NSUN3: variants seen among roughly 807,000 people sequenced by gnomAD.
The protein encoded by NSUN3 is tRNA (cytosine(34)-C(5))-methyltransferase, mitochondrial.
NSUN3 carries 24 observed loss-of-function variants against 36.8 expected under a neutral mutation model. The ratio of observed to expected loss-of-function variants is 0.65; its 90% CI spans 0.47 to 0.92. The LOEUF (loss-of-function observed/expected upper bound fraction) is 0.92, where lower values mean the gene tolerates loss of function less well. Ranked by LOEUF, NSUN3 falls within the 40% of genes least tolerant of loss-of-function variation. The pLI is 0.00. For synonymous variants in NSUN3, 146 were observed against 145.2 expected (o/e 1.01, Z -0.04); for missense variants, 381 against 392.8 (o/e 0.97, Z 0.25).
chr3:94,074,138 T>A (rs1368444199), intron 2 of NSUN3, among the ~76,000 whole-genome samples: 2 of 152,208 alleles, frequency 1.3e-5, no homozygotes, highest in African/African-American at 2.4e-5. Context: ...CTGAGGGCTC[T>A]GTTCTGTTCC....
rs2077507473 is a variant in NSUN3 at position 94,131,213 on chromosome 3, C to T, written c.*4723C>T. ...GATTACAGGTGTGAGCCATTGTGCT[C>T]GGCCTCATATATTATTAGTTGTAAA... On this transcript the variant is annotated 3_prime_UTR_variant, in exon 6 of 6. Transcript: ENST00000314622. Among the ~76,000 whole-genome samples, 1 of 152,038 alleles carries T rather than the reference C, an allele frequency of 6.6e-6. No individual in the cohort carries two copies. Among genetic ancestry groups the T allele is most frequent in the South Asian group, 2.1e-4 (1 of 4,812 alleles).
intron 4 of NSUN3, 129 bp downstream of exon 4, chr3:94,094,423 T>C (rs998156562): frequency 7.0e-6 from 6 of 857,692 alleles, no homozygotes; most frequent in Admixed American, 3.4e-5. Context: ...CTGGAAAATT[T>C]TGATAAAGTG....
At chr3:94,075,388 C>G (rs2077241811) in intron 2 of NSUN3, among the ~76,000 whole-genome samples, 1 of 151,974 alleles carries the variant, frequency 6.6e-6, no homozygotes. Context: ...CTGAACAAAC[C>G]AAGAAGAAAC....
chr3:94,073,339 A>G (rs1366519947), intron 2 of NSUN3, among the ~76,000 whole-genome samples: 1 of 152,114 alleles, frequency 6.6e-6, no homozygotes, highest in Non-Finnish European at 1.5e-5. Flanking sequence ...TGCTGGGTCA[A>G]ATGGTATTTC....
At chr3:94,109,731 C>T (rs184284101) in intron 5 of NSUN3, among the ~76,000 whole-genome samples, 2 of 152,318 alleles carry the variant, frequency 1.3e-5, no homozygotes, top group East Asian at 3.9e-4. Flanking sequence ...CCTGGAGGAG[C>T]TGTGGGCACA....
At chr3:94,120,884 T>TTTAATA (rs2077458455) in intron 5 of NSUN3, among the ~76,000 whole-genome samples, 5 of 152,186 alleles carry the variant, frequency 3.3e-5, no homozygotes, top group Admixed American at 2.0e-4. Context: ...ATTTTAATAA[T>TTTAATA]CTAACATTTT....
chr3:94,078,758 C>A (rs1329424284), intron 2 of NSUN3, among the ~76,000 whole-genome samples: 4 of 151,954 alleles, frequency 2.6e-5, no homozygotes, highest in Non-Finnish European at 5.9e-5. Context: ...ATTGGAACTC[C>A]TGCTTATTTT....
chr3:94,063,188 G>A, intron 1 of NSUN3, 50 bp downstream of exon 1: 1 of 1,605,796 alleles, frequency 6.2e-7, no homozygotes, highest in Non-Finnish European at 8.5e-7. Flanking sequence ...AGACGCTTCT[G>A]GACGCGGCCG....
intron 5 of NSUN3, among the ~76,000 whole-genome samples, chr3:94,119,346 T>C (rs749110630): frequency 3.3e-4 from 50 of 152,198 alleles, no homozygotes; most frequent in Non-Finnish European, 6.9e-4. Flanking sequence ...ATTGTAATTA[T>C]AGAGATAGTT....
At chr3:94,088,054 C>G (rs2077299503) in intron 3 of NSUN3, among the ~76,000 whole-genome samples, 1 of 152,114 alleles carries the variant, frequency 6.6e-6, no homozygotes, top group Non-Finnish European at 1.5e-5. Context: ...CTTCCTGCTT[C>G]TTCATCTCTA....
chr3:94,067,898 T>C (rs1309324319), intron 2 of NSUN3, among the ~76,000 whole-genome samples: 1 of 152,150 alleles, frequency 6.6e-6, no homozygotes, highest in Non-Finnish European at 1.5e-5. Flanking sequence ...AATTCCATTG[T>C]GTCACACCTT....
Position 94,084,201 on chromosome 3 carries a change from G to A in NSUN3, c.217G>A (p.Gly73Ser), listed in dbSNP as rs769983215. ...FELEKDLHLK[G>S]YHTLSQGSLP... ...ACTGGAAAAGGATTTACATTTGAAG[G>A]GCTATCACACACTCTCTCAGGGATC... The change falls in exon 3 of 6, where the codon GGC (glycine) becomes AGC (serine). Residue 73 changes from glycine (G) to serine (S), a missense_variant. By Grantham distance (56) the Gly-to-Ser change is moderately conservative (BLOSUM62 0). Transcript: ENST00000314622. The A allele has an allele frequency of 6.2e-7, 1 of 1,614,018 alleles. No individual in the cohort carries two copies. Among genetic ancestry groups the A allele is most frequent in the Admixed American group, 1.7e-5 (1 of 60,002 alleles).
At position 94,076,781 on chromosome 3, in the gene NSUN3, C is replaced by T. The variant is rs905884166; in HGVS notation, c.123-7326C>T. Reference sequence around the variant, plus strand: ...AATACAAGGATTCTGGGGCATATAACGGGCCCTGTTTACTTCTCCTTCATG... The same window carrying T: ...AATACAAGGATTCTGGGGCATATAATGGGCCCTGTTTACTTCTCCTTCATG... On this transcript the variant is annotated intron_variant, in intron 2 of 5. Transcript: ENST00000314622. The T allele has an allele frequency of 1.4e-5, 22 of 1,550,540 alleles. No individual in the cohort carries two copies. The Middle Eastern group carries it at 9.0e-4, about 63-fold the overall frequency.
intron 2 of NSUN3, among the ~76,000 whole-genome samples, chr3:94,072,384 G>T (rs911568658): frequency 6.6e-6 from 1 of 152,194 alleles, no homozygotes. Flanking sequence ...TCTAAAATAG[G>T]AGTAAGAGCT....
chr3:94,080,985 T>C (rs762712064), intron 2 of NSUN3, among the ~76,000 whole-genome samples: 13 of 152,102 alleles, frequency 8.5e-5, no homozygotes, highest in Non-Finnish European at 1.8e-4. Flanking sequence ...GCTAGTTCGG[T>C]GTCTGCCTAA....
chr3:94,084,492 CTG>C (rs778192726), intron 3 of NSUN3, 42 bp downstream of exon 3: 14 of 1,419,482 alleles, frequency 9.9e-6, no homozygotes, highest in Non-Finnish European at 1.4e-5. Context: ...TTTTTAATAT[CTG>C]TATGTTATAG....
chr3:94,116,010 T>C (rs961742296), intron 5 of NSUN3, among the ~76,000 whole-genome samples: 7 of 152,164 alleles, frequency 4.6e-5, no homozygotes, highest in African/African-American at 1.7e-4. Context: ...ACATTTTAGG[T>C]TTTGTTTTGT....
chr3:94,104,403 T>C (rs1047996296), intron 5 of NSUN3, among the ~76,000 whole-genome samples: 2 of 152,198 alleles, frequency 1.3e-5, no homozygotes, highest in African/African-American at 4.8e-5. Context: ...ATTTGACAAT[T>C]TGATCTTTTA....
intron 5 of NSUN3, among the ~76,000 whole-genome samples, chr3:94,118,139 A>G (rs547157253): frequency 6.6e-6 from 1 of 152,302 alleles, no homozygotes; most frequent in Non-Finnish European, 1.5e-5. Flanking sequence ...GTTTGTGGTG[A>G]TGGATTTCCT....
Sources: gnomAD v4.1 joint callset for allele counts (sites outside exome capture counted in the v4.1 genomes callset) on GRCh38, gnomAD v4.1.1 for gene constraint, MANE v1.5 for transcripts, NCBI Gene and HGNC (gene_info 2026-07-23, HGNC 2026-07-21) for gene names.